The following PAX5 variants were observed in gnomAD, a reference collection of about 807,000 sequenced individuals.
PAX5 encodes paired box protein Pax-5.
In PAX5, 9 loss-of-function variants were observed where a neutral mutation model predicts 43.7. The ratio of observed to expected loss-of-function variants is 0.21; its 90% CI spans 0.12 to 0.36. The LOEUF (loss-of-function observed/expected upper bound fraction) is 0.36. PAX5 is among the 10% of genes least tolerant of loss of function. The pLI is 1.00. For missense variants in PAX5, 383 were observed against 532.7 expected, an observed-to-expected ratio of 0.72 and a Z score of 2.77; for synonymous variants, 228 against 214.3, an observed-to-expected ratio of 1.06 and a Z score of -0.56.
rs1291510588 is a variant in PAX5 at position 36,839,522 on chromosome 9, C to G, written c.*1038G>C. 2 of 233,284 alleles carry G rather than the reference C, an allele frequency of 8.6e-6. No individual in the cohort carries two copies. Among genetic ancestry groups the G allele is most frequent in the Non-Finnish European group, 1.7e-5 (2 of 118,124 alleles). The allele number at this position is 233,284 out of a possible 1,614,324, so 14.5% of individuals were successfully genotyped here. On this transcript the variant is annotated 3_prime_UTR_variant, in exon 10 of 10. Transcript: ENST00000358127. ...TTAATTATTGTCTACATCACCGGAACAGGCTTGCCCAGAATCCACTTGCTG... is the reference window on the plus strand; with the variant it reads ...TTAATTATTGTCTACATCACCGGAAGAGGCTTGCCCAGAATCCACTTGCTG...
At chr9:36,978,018 T>C (rs1438781012) in intron 5 of PAX5, among the ~76,000 whole-genome samples, 1 of 152,242 alleles carries the variant, frequency 6.6e-6, no homozygotes, top group Middle Eastern at 3.2e-3. Context: ...AGCATCACTA[T>C]CCATTATCCA....
chr9:36,926,673 C>T (rs1426716865), intron 6 of PAX5, among the ~76,000 whole-genome samples: 1 of 152,240 alleles, frequency 6.6e-6, no homozygotes, highest in African/African-American at 2.4e-5. Context: ...TCCTAGATGG[C>T]ATCTTCTAGA....
chr9:36,836,265 G>T lies in PAX5; in HGVS notation c.*4295C>A, dbSNP rs1044621389. The T allele has an allele frequency of 4.3e-6, 1 of 233,404 alleles. No homozygotes were observed. The highest frequency in any genetic ancestry group is 8.5e-6 in the Non-Finnish European group (1 of 118,168). 14.5% of individuals were successfully genotyped at this position (233,404 alleles called of 1,614,324 possible). A position where few individuals can be genotyped will look rare whatever the true frequency, so the allele number is the denominator to read the frequency against. On this transcript the variant is annotated 3_prime_UTR_variant, in exon 10 of 10. Transcript: ENST00000358127. ...TTCCACCCAACTCCATCTTCAAAGC[G>T]CAAGACTTGCAAGAGCCCAAGATGA...
chr9:36,907,056 G>A (rs937662155), intron 7 of PAX5, among the ~76,000 whole-genome samples: 3 of 152,234 alleles, frequency 2.0e-5, no homozygotes, highest in Non-Finnish European at 4.4e-5. Context: ...TACAGTGAGC[G>A]GAAAAGGGCT....
At position 36,882,459 on chromosome 9, in the gene PAX5, A is replaced by G. The variant is rs76975611; in HGVS notation, c.911-354T>C. Among the ~76,000 whole-genome samples, 2,760 of 152,236 alleles carry G rather than the reference A, an allele frequency of 0.018. 33 individuals are homozygous for G. The highest frequency in any genetic ancestry group is 0.068 in the Middle Eastern group (20 of 294). On this transcript the variant is annotated intron_variant, in intron 7 of 9. Transcript: ENST00000358127. The surrounding 1 kb of genome is among the most constrained non-coding windows in gnomAD (Gnocchi z 4.4). ...AGCTCTCCCTACTCTCTACTCCCCA[A>G]GAATGGCTGGGACCTCTCCATCTCC...
chr9:36,905,259 A>C (rs923411668), intron 7 of PAX5, among the ~76,000 whole-genome samples: 4 of 152,270 alleles, frequency 2.6e-5, no homozygotes, highest in African/African-American at 9.6e-5. Context: ...CCGGCTCTCC[A>C]TGAGCTCACA....
chr9:36,871,168 C>T (rs764168651), intron 8 of PAX5, among the ~76,000 whole-genome samples: 1 of 152,214 alleles, frequency 6.6e-6, no homozygotes, highest in Non-Finnish European at 1.5e-5. Flanking sequence ...CGTCAGGCTG[C>T]TCTGCCACCT....
intron 8 of PAX5, among the ~76,000 whole-genome samples, chr9:36,875,342 T>A (rs1201013439): frequency 6.6e-6 from 1 of 152,262 alleles, no homozygotes; most frequent in Non-Finnish European, 1.5e-5. Flanking sequence ...AGGACACAAC[T>A]GTGAACAAAA....
chr9:37,005,505 GA>G (rs1333243482), intron 4 of PAX5, among the ~76,000 whole-genome samples: 1 of 152,226 alleles, frequency 6.6e-6, no homozygotes, highest in Non-Finnish European at 1.5e-5. Flanking sequence ...CACAAATGAG[GA>G]AACTGAGGCT....
intron 8 of PAX5, among the ~76,000 whole-genome samples, chr9:36,856,737 C>T (rs1384149070): frequency 6.6e-6 from 1 of 152,034 alleles, no homozygotes; most frequent in African/African-American, 2.4e-5. Context: ...TGGGGTTTCA[C>T]CATGTTAGCC....
intron 1 of PAX5, among the ~76,000 whole-genome samples, chr9:37,022,400 C>A (rs1228230124): frequency 7.9e-5 from 12 of 152,204 alleles, no homozygotes; most frequent in African/African-American, 2.7e-4. Flanking sequence ...TGTTCTGGGG[C>A]TGGGAACACC....
At chr9:37,018,989 G>C (rs1839629709) in intron 2 of PAX5, among the ~76,000 whole-genome samples, 1 of 152,110 alleles carries the variant, frequency 6.6e-6, no homozygotes, top group Admixed American at 6.5e-5. Flanking sequence ...GCTCAGCAAA[G>C]ATGTCTCAGC....
At chr9:37,020,402 T>C (rs1839755168) in intron 2 of PAX5, among the ~76,000 whole-genome samples, 1 of 152,146 alleles carries the variant, frequency 6.6e-6, no homozygotes, top group Non-Finnish European at 1.5e-5. Flanking sequence ...TCACCAGGCT[T>C]TCAGAAAACA....
chr9:37,006,463 T>A lies in PAX5; in HGVS notation c.475+10A>T, dbSNP rs1838397549. The A allele has an allele frequency of 1.2e-6, 2 of 1,608,386 alleles. No homozygotes were observed. Among genetic ancestry groups the A allele is most frequent in the African/African-American group, 1.3e-5 (1 of 74,732 alleles). The stretch of plus-strand genomic sequence containing the variant: ...TAGATTTTTAAATTTTTTTTAAAAG[T>A]TCCTCTTACCTATGCTGTGACTGGA... On this transcript the variant is annotated intron_variant, in intron 4 of 9. Transcript: ENST00000358127.
At chr9:36,904,628 A>G (rs1828673045) in intron 7 of PAX5, among the ~76,000 whole-genome samples, 1 of 152,178 alleles carries the variant, frequency 6.6e-6, no homozygotes, top group Non-Finnish European at 1.5e-5. Flanking sequence ...AAAAAAAGGC[A>G]GCAGACTAGT....
intron 5 of PAX5, among the ~76,000 whole-genome samples, chr9:36,982,972 G>GA (rs1339028613): frequency 4.6e-5 from 7 of 152,158 alleles, no homozygotes; most frequent in Non-Finnish European, 1.0e-4. Context: ...TGTTATGGGG[G>GA]AGGAAGTATG....
chr9:37,031,964 ACCAGCTTGG>A (rs1841026426), intron 1 of PAX5, among the ~76,000 whole-genome samples: 1 of 152,240 alleles, frequency 6.6e-6, no homozygotes, highest in South Asian at 2.1e-4. Context: ...CCCTTTGAGC[ACCAGCTTGG>A]ACAGCTTCTC....
chr9:37,003,164 A>AC (rs1289343801), intron 4 of PAX5, among the ~76,000 whole-genome samples: 2 of 150,084 alleles, frequency 1.3e-5, no homozygotes, highest in East Asian at 2.0e-4. Flanking sequence ...TAAAAAAAAA[A>AC]AAAAAAAAAA....
intron 8 of PAX5, among the ~76,000 whole-genome samples, chr9:36,856,290 A>G (rs1823662195): frequency 6.6e-6 from 1 of 152,270 alleles, no homozygotes; most frequent in African/African-American, 2.4e-5. Flanking sequence ...TGCTAGAAAC[A>G]TGGAGACAGC....
Sources: allele counts gnomAD v4.1 joint callset (sites outside exome capture counted in the v4.1 genomes callset), GRCh38; gene constraint gnomAD v4.1.1; non-coding constraint Gnocchi (gnomAD v3.1); transcripts MANE v1.5; gene names NCBI Gene and HGNC (gene_info 2026-07-23, HGNC 2026-07-21).